RFX3: variants seen among roughly 807,000 people sequenced by gnomAD.
RFX3 encodes regulatory factor X3.
A neutral mutation model predicts 98.6 loss-of-function variants in RFX3; 14 were observed. The ratio of observed to expected loss-of-function variants is 0.14; its 90% confidence interval spans 0.09 to 0.22. The LOEUF is 0.22. RFX3 is among the 10% of genes least tolerant of loss of function. The pLI is 1.00. For missense variants in RFX3, 639 were observed against 926.9 expected (o/e 0.69, Z 4.03); for synonymous variants, 383 against 328.4 (o/e 1.17, Z -1.80).
intron 2 of RFX3, among the ~76,000 whole-genome samples, chr9:3,369,028 C>T (rs1236149534): frequency 6.6e-6 from 1 of 152,140 alleles, no homozygotes; most frequent in African/African-American, 2.4e-5. Flanking sequence ...GGAAAGGAGG[C>T]AGATACAAAC....
rs1564185189 is a variant in RFX3, at chr9:3,504,862, A to AAC, written c.-9+20884_-9+20885insGT. On this transcript the variant is annotated intron_variant, in intron 1 of 16. Coordinates refer to ENST00000617270, the MANE Select transcript of RFX3 (RefSeq NM_001282116.2). ...AAAATATATATATTATATATGATATAATATATATTATATATATTATATATA... is the reference window on the plus strand; with the variant it reads ...AAAATATATATATTATATATGATATAACATATATATTATATATATTATATATA... 6.6e-3 allele frequency among the ~76,000 whole-genome samples: 156 copies of AAC among 23,510 alleles called. 6 individuals are homozygous for AAC. The highest frequency in any genetic ancestry group is 0.021 in the African/African-American group (139 of 6,734). 15.4% of individuals were successfully genotyped at this position (23,510 alleles called of 152,430 possible).
chr9:3,384,758 G>C (rs1173501966), intron 2 of RFX3, among the ~76,000 whole-genome samples: 2 of 152,098 alleles, frequency 1.3e-5, no homozygotes, highest in African/African-American at 2.4e-5. Flanking sequence ...CACCTGTCCA[G>C]GTGCCACCTA....
At chr9:3,453,984 A>G (rs1316793802) in intron 1 of RFX3, among the ~76,000 whole-genome samples, 1 of 152,210 alleles carries the variant, frequency 6.6e-6, no homozygotes, top group African/African-American at 2.4e-5. Context: ...ACATACATAA[A>G]TAATTTTAGT....
At chr9:3,451,832 AG>A (rs1384718979) in intron 1 of RFX3, among the ~76,000 whole-genome samples, 1 of 151,066 alleles carries the variant, frequency 6.6e-6, no homozygotes, top group Non-Finnish European at 1.5e-5. Context: ...GTATTTTAAA[AG>A]TTTTTTTTTT....
At position 3,412,447 on chromosome 9, in the gene RFX3, T is replaced by C. The variant is rs188895969; in HGVS notation, c.-8-16851A>G. Among the ~76,000 whole-genome samples the C allele has an allele frequency of 4.2e-3, 646 of 152,314 alleles. 3 individuals are homozygous for C. The highest frequency in any genetic ancestry group is 0.037 in the Middle Eastern group (11 of 294). The stretch of plus-strand genomic sequence containing the variant: ...TTCAAGTAAATAAATAGTAATTATC[T>C]ATAGAGAAGTAAAAGAAAGGCTTCA... On this transcript the variant is annotated intron_variant, in intron 1 of 16. Coordinates refer to ENST00000617270, the MANE Select transcript of RFX3 (RefSeq NM_001282116.2).
intron 2 of RFX3, among the ~76,000 whole-genome samples, chr9:3,375,471 A>C (rs1183402828): frequency 6.6e-6 from 1 of 152,226 alleles, no homozygotes; most frequent in Non-Finnish European, 1.5e-5. Context: ...TCTCAATACA[A>C]GCTGATAAGA....
chr9:3,457,139 C>CAAAAAAAAAAAAAAAAAA, intron 1 of RFX3, among the ~76,000 whole-genome samples: 1 of 22,806 alleles, frequency 4.4e-5, no homozygotes, highest in Non-Finnish European at 7.9e-5. Flanking sequence ...GACTCCATCT[C>CAAAAAAAAAAAAAAAAAA]AAAAAAAAAA....
At chr9:3,376,381 A>C (rs946906759) in intron 2 of RFX3, among the ~76,000 whole-genome samples, 4 of 152,204 alleles carry the variant, frequency 2.6e-5, no homozygotes, top group African/African-American at 9.6e-5. Context: ...GAATATACGA[A>C]TGTTTGAGAC....
chr9:3,485,817 T>C (rs1850214497), intron 1 of RFX3, among the ~76,000 whole-genome samples: 1 of 152,110 alleles, frequency 6.6e-6, no homozygotes, highest in Admixed American at 6.6e-5. Context: ...TTAAACCTGG[T>C]AAAGACTTTA....
intron 2 of RFX3, among the ~76,000 whole-genome samples, chr9:3,389,556 T>A (rs1840069668): frequency 6.6e-6 from 1 of 152,130 alleles, no homozygotes; most frequent in Non-Finnish European, 1.5e-5. Context: ...ATATAGCATT[T>A]CAGATTGAGT....
intron 1 of RFX3, among the ~76,000 whole-genome samples, chr9:3,481,899 T>A (rs987615114): frequency 6.6e-6 from 1 of 152,116 alleles, no homozygotes; most frequent in African/African-American, 2.4e-5. Flanking sequence ...TTATATCCAG[T>A]GTCAGAGTAA....
At chr9:3,246,155 C>T (rs1431399959) in intron 15 of RFX3, among the ~76,000 whole-genome samples, 1 of 152,034 alleles carries the variant, frequency 6.6e-6, no homozygotes. Context: ...GGTCAAAGGG[C>T]TTTCCTATAA....
At chr9:3,405,971 T>C (rs1841931734) in intron 1 of RFX3, among the ~76,000 whole-genome samples, 1 of 152,132 alleles carries the variant, frequency 6.6e-6, no homozygotes, top group South Asian at 2.1e-4. Context: ...TTGTTTTTTT[T>C]TGAGACAAGG....
chr9:3,427,257 ATAC>A (rs982248406), intron 1 of RFX3, among the ~76,000 whole-genome samples: 6 of 144,228 alleles, frequency 4.2e-5, no homozygotes, highest in African/African-American at 1.5e-4. Flanking sequence ...TATATATATA[ATAC>A]TATATATATA....
chr9:3,240,096 C>T (rs760227172), intron 15 of RFX3, among the ~76,000 whole-genome samples: 19 of 152,128 alleles, frequency 1.2e-4, no homozygotes, highest in Non-Finnish European at 2.6e-4. Flanking sequence ...CAGAGGCTGG[C>T]GACACGGGCT....
At chr9:3,332,778 G>A (rs1832745632) in intron 3 of RFX3, among the ~76,000 whole-genome samples, 1 of 151,974 alleles carries the variant, frequency 6.6e-6, no homozygotes, top group African/African-American at 2.4e-5. Flanking sequence ...CATTTTTCTG[G>A]TCCTGACAAA....
At chr9:3,498,514 T>C (rs1851271613) in intron 1 of RFX3, among the ~76,000 whole-genome samples, 1 of 152,092 alleles carries the variant, frequency 6.6e-6, no homozygotes, top group South Asian at 2.1e-4. Flanking sequence ...ATTATTTTGC[T>C]ACAGTACACT....
At chr9:3,516,414 A>G (rs1335470351) in intron 1 of RFX3, among the ~76,000 whole-genome samples, 2 of 152,212 alleles carry the variant, frequency 1.3e-5, no homozygotes, top group African/African-American at 4.8e-5. Flanking sequence ...TTTTTCTGCT[A>G]CCAAAGCTGA....
rs372995216 is a variant in RFX3, at chr9:3,293,267, A to G, written c.550-9T>C. 2.3e-5 allele frequency: 37 copies of G among 1,582,922 alleles called. 2 individuals are homozygous for G. The South Asian group carries it at 3.5e-4, about 15-fold the overall frequency. ...TCCAACAGCCACTGGAGCTAGGGAA[A>G]TAAGACACAATAAACACAGACAAAT... On this transcript the variant is annotated splice_polypyrimidine_tract_variant and intron_variant, in intron 5 of 16. Transcript: ENST00000617270.
Sources: gnomAD v4.1 joint callset for allele counts (sites outside exome capture counted in the v4.1 genomes callset) on GRCh38, gnomAD v4.1.1 for gene constraint, MANE v1.5 for transcripts, NCBI Gene and HGNC (gene_info 2026-07-23, HGNC 2026-07-21) for gene names.